AGBL5: variants seen among roughly 807,000 people sequenced by gnomAD.
AGBL5 encodes the protein cytosolic carboxypeptidase-like protein 5.
Under a neutral mutation model 88.0 loss-of-function variants are expected in AGBL5, and 51 were observed. The ratio of observed to expected loss-of-function variants is 0.58; its 90% confidence interval spans 0.46 to 0.73. The LOEUF is 0.73. Among genes scored for constraint, AGBL5 ranks in the 30% least tolerant of loss-of-function variants. The probability of loss-of-function intolerance (pLI) is 0.00; values close to 1 mark genes in which losing one functional copy is unlikely to be tolerated. For missense variants in AGBL5, 1,031 were observed against 1,162.2 expected, an observed-to-expected ratio of 0.89 and a Z score of 1.64; for synonymous variants, 446 against 438.8, an observed-to-expected ratio of 1.02 and a Z score of -0.21.
chr2:27,052,664 T>C, intron 1 of AGBL5: 1 of 242,882 alleles, frequency 4.1e-6, no homozygotes, highest in Non-Finnish European at 7.8e-6. Context: ...CTGAGTTTTA[T>C]TTGGGAACAG....
chr2:27,059,525 T>C, intron 11 of AGBL5, 121 bp downstream of exon 11: 2 of 1,540,544 alleles, frequency 1.3e-6, no homozygotes, highest in Non-Finnish European at 1.7e-6. Flanking sequence ...TAAAATTAGT[T>C]TGTAGCAGAA....
chr2:27,063,669 A>C (rs1453660277), intron 11 of AGBL5, among the ~76,000 whole-genome samples: 2 of 151,876 alleles, frequency 1.3e-5, no homozygotes, highest in African/African-American at 4.8e-5. Context: ...TGATTGTCCC[A>C]GGGATTCACT....
intron 11 of AGBL5, among the ~76,000 whole-genome samples, chr2:27,064,513 C>G (rs1668880012): frequency 6.6e-6 from 1 of 151,578 alleles, no homozygotes; most frequent in South Asian, 2.1e-4. Flanking sequence ...AGTTGCCCAG[C>G]CTAGTCTCAA....
In AGBL5 at chr2:27,067,527, A is replaced by T; in HGVS notation, c.2123A>T (p.Gln708Leu). 1 of 1,614,130 alleles carries T rather than the reference A, an allele frequency of 6.2e-7. No homozygotes were observed. Among genetic ancestry groups the T allele is most frequent in the Non-Finnish European group, 8.5e-7 (1 of 1,180,020 alleles). Reference protein sequence around the residue: ...PRSQDRRRQQQPLNHRPAGSL... With the variant: ...PRSQDRRRQQLPLNHRPAGSL... The stretch of plus-strand genomic sequence containing the variant: ...AGCCAGGACAGGAGACGGCAGCAGC[A>T]GCCCCTGAACCATCGTCCTGCAGGC... Residue 708 changes from glutamine to leucine, a missense_variant, in exon 12 of 15, where the codon CAG (glutamine) becomes CTG (leucine). Physicochemically the swap from Gln to Leu is moderately radical, Grantham distance 113. Coordinates refer to ENST00000360131, the MANE Select transcript of AGBL5 (RefSeq NM_021831.6).
At chr2:27,059,889 T>A (rs1188578804) in intron 11 of AGBL5, among the ~76,000 whole-genome samples, 1 of 152,186 alleles carries the variant, frequency 6.6e-6, no homozygotes, top group Non-Finnish European at 1.5e-5. Context: ...TGGCTCATGC[T>A]TATAATCCCA....
intron 10 of AGBL5, 73 bp downstream of exon 10, chr2:27,058,675 G>T (rs1455179662): frequency 6.7e-7 from 1 of 1,491,880 alleles, no homozygotes; most frequent in Non-Finnish European, 9.2e-7. Flanking sequence ...AGTTCCAAGG[G>T]ATTTATATTC....
In AGBL5 at chr2:27,051,740, C is replaced by A. The variant is rs1336264003; in HGVS notation, c.-100C>A. 6 of 152,282 alleles carry A rather than the reference C, an allele frequency of 3.9e-5. No individual in the cohort carries two copies. The highest frequency in any genetic ancestry group is 1.2e-4 in the African/African-American group (5 of 41,448). The allele number at this position is 152,282 out of a possible 1,614,324, so 9.4% of individuals were successfully genotyped here. A position where few individuals can be genotyped will look rare whatever the true frequency, so the allele number is the denominator to read the frequency against. ...GGTGGAGGGCCCGGGTGCCGGGGCC[C>A]AAGGTGCGGCCTCGCTAGCGGGAGA... is the stretch of plus-strand genomic sequence containing the variant. On this transcript the variant is annotated 5_prime_UTR_variant, in exon 1 of 15. Coordinates refer to ENST00000360131, the MANE Select transcript of AGBL5 (RefSeq NM_021831.6).
chr2:27,056,509 G>C, intron 7 of AGBL5, 114 bp from the exon 8 acceptor site: 1 of 910,604 alleles, frequency 1.1e-6, no homozygotes, highest in Non-Finnish European at 1.6e-6. Context: ...TACTGTTAAT[G>C]GTTGTGATGG....
At chr2:27,058,642 T>C (rs1668563613) in intron 10 of AGBL5, 40 bp downstream of exon 10, 1 of 1,603,836 alleles carries the variant, frequency 6.2e-7, no homozygotes, top group African/African-American at 1.3e-5. Context: ...GGTAGGACAG[T>C]GGGACAGGGC....
intron 11 of AGBL5, 50 bp downstream of exon 11, chr2:27,059,454 T>C: frequency 6.2e-7 from 1 of 1,607,798 alleles, no homozygotes; most frequent in Non-Finnish European, 8.5e-7. Context: ...GTCTGGGGCA[T>C]TGCTGGGGGA....
At chr2:27,063,517 C>T (rs930172910) in intron 11 of AGBL5, among the ~76,000 whole-genome samples, 23 of 151,996 alleles carry the variant, frequency 1.5e-4, no homozygotes, top group Non-Finnish European at 2.2e-4. Context: ...ATGGCGTGAA[C>T]CCAGGAGGCG....
At chr2:27,056,579 C>T (rs748611205) in intron 7 of AGBL5, 44 bp from the exon 8 acceptor site, 11 of 1,539,452 alleles carry the variant, frequency 7.1e-6, no homozygotes, top group African/African-American at 4.1e-5. Flanking sequence ...TGCACCTTGT[C>T]CCTTCTGTCT....
In AGBL5 at chr2:27,067,480, T is replaced by G; in HGVS notation, c.2090-14T>G. ...TTATTTGCCCTTTTATCTGCTTGTATCTCTTCCACTCAGAGCCCCGAAGCC... is the reference window on the plus strand; with the variant it reads ...TTATTTGCCCTTTTATCTGCTTGTAGCTCTTCCACTCAGAGCCCCGAAGCC... On this transcript the variant is annotated splice_polypyrimidine_tract_variant and intron_variant, in intron 11 of 14. Transcript: ENST00000360131. 3 of 1,612,104 alleles carry G rather than the reference T, an allele frequency of 1.9e-6. No individual in the cohort carries two copies. The highest frequency in any genetic ancestry group is 2.2e-5 in the South Asian group (2 of 91,040).
chr2:27,057,092 T>C (rs1397036947), intron 8 of AGBL5: 6 of 572,066 alleles, frequency 1.0e-5, no homozygotes, highest in African/African-American at 1.9e-5. Flanking sequence ...TTAGCATTAT[T>C]GTCTTTAGTC....
chr2:27,067,083 AAAAAC>A (rs1255780406), intron 11 of AGBL5, among the ~76,000 whole-genome samples: 3 of 151,524 alleles, frequency 2.0e-5, no homozygotes, highest in Non-Finnish European at 2.9e-5. Flanking sequence ...ACTCTGTCTC[AAAAAC>A]AAAACAAAAA....
rs1377150715 is a variant in AGBL5, at chr2:27,070,148, C to G, written c.2546C>G (p.Ser849Cys). The change falls in exon 15 of 15, where the codon TCC becomes TGC. Residue 849 changes from serine to cysteine, a missense_variant. Physicochemically the swap from Ser to Cys is moderately radical, Grantham distance 112 (BLOSUM62 -1). This residue lies in a region of AGBL5 where 491 missense variants were observed against 484.0 expected (regional missense o/e 1.01). Coordinates refer to ENST00000360131, the MANE Select transcript of AGBL5 (RefSeq NM_021831.6). ...PRSAPAFSPI[S>C]CSLSDSPSWN... ...TCTGCCCCTGCCTTTTCTCCTATAT[C>G]CTGTAGTCTATCTGACTCCCCATCC... The G allele has an allele frequency of 6.2e-6, 10 of 1,614,212 alleles. No individual in the cohort carries two copies. The highest frequency in any genetic ancestry group is 2.7e-5 in the African/African-American group (2 of 75,050).
At position 27,067,518 on chromosome 2, in the gene AGBL5, G is replaced by A. The variant is rs768662881; in HGVS notation, c.2114G>A (p.Arg705Gln). The change falls in exon 12 of 15, where the codon CGG becomes CAG. Residue 705 changes from arginine (R) to glutamine (Q), a missense_variant. Transcript: ENST00000360131. ...VREPRSQDRR[R>Q]QQQPLNHRPA... ...GAGCCCCGAAGCCAGGACAGGAGACGGCAGCAGCAGCCCCTGAACCATCGT... is the reference window on the plus strand; with the variant it reads ...GAGCCCCGAAGCCAGGACAGGAGACAGCAGCAGCAGCCCCTGAACCATCGT... 26 of 1,613,924 alleles carry A rather than the reference G, an allele frequency of 1.6e-5. No individual in the cohort carries two copies. In the Admixed American group the frequency reaches 1.7e-4, roughly 10 times the overall value.
Position 27,070,408 on chromosome 2 carries a change from G to C in AGBL5, c.*145G>C. 1 of 811,362 alleles carries C rather than the reference G, an allele frequency of 1.2e-6. No individual in the cohort carries two copies. Among genetic ancestry groups the C allele is most frequent in the Non-Finnish European group, 2.0e-6 (1 of 506,620 alleles). The allele number at this position is 811,362 out of a possible 1,614,324, so 50.3% of individuals were successfully genotyped here. A position where few individuals can be genotyped will look rare whatever the true frequency, so the allele number is the denominator to read the frequency against. ...GCCACGCTGTCCAAGGCATTACAGA[G>C]TATCACCTTGAGACAGAACAAAACA... On this transcript the variant is annotated 3_prime_UTR_variant, in exon 15 of 15. Transcript: ENST00000360131.
At chr2:27,051,293 T>C (rs746025418), upstream of AGBL5, 6 of 151,870 alleles carry the variant, frequency 4.0e-5, no homozygotes, top group Non-Finnish European at 8.8e-5. Context: ...TCCACTCAGC[T>C]TTTGCGTCCG....
Sources: allele counts gnomAD v4.1 joint callset (sites outside exome capture counted in the v4.1 genomes callset), GRCh38; gene constraint gnomAD v4.1.1; regional missense constraint gnomAD v4.1.1; transcripts MANE v1.5; gene names NCBI Gene and HGNC (gene_info 2026-07-23, HGNC 2026-07-21).